The following JARID2 variants were observed in gnomAD, a reference collection of about 807,000 sequenced individuals.
The protein encoded by JARID2 is jumonji and AT-rich interaction domain containing 2.
Under a neutral mutation model 125.6 loss-of-function variants are expected in JARID2, and 21 were observed. That is an observed-to-expected ratio of 0.17 (90% confidence interval 0.12 to 0.24). JARID2 has a LOEUF of 0.24. Among genes scored for constraint, JARID2 ranks in the 10% least tolerant of loss-of-function variants. JARID2 has a pLI of 1.00. For missense variants in JARID2, 1,303 were observed against 1,639.6 expected, an observed-to-expected ratio of 0.79 and a Z score of 3.55; for synonymous variants, 736 against 661.6, an observed-to-expected ratio of 1.11 and a Z score of -1.73.
chr6:15,414,763 TG>T (rs924217931), intron 3 of JARID2, among the ~76,000 whole-genome samples: 23 of 152,092 alleles, frequency 1.5e-4, no homozygotes, highest in Admixed American at 3.3e-4. Context: ...TGGGTGAGAT[TG>T]TTTTTTTTTT....
At chr6:15,434,137 C>A (rs1420856167) in intron 3 of JARID2, among the ~76,000 whole-genome samples, 1 of 107,302 alleles carries the variant, frequency 9.3e-6, no homozygotes, top group African/African-American at 4.0e-5. Flanking sequence ...GTGTTCCTAA[C>A]AGTTTTTTTT....
At chr6:15,506,966 C>T (rs1189994623) in intron 9 of JARID2, among the ~76,000 whole-genome samples, 170 bp from the exon 10 acceptor site, 1 of 152,184 alleles carries the variant, frequency 6.6e-6, no homozygotes, top group South Asian at 2.1e-4. Flanking sequence ...TGGAGGTGAC[C>T]TGTCATTGCT....
At chr6:15,398,291 T>C (rs1173514810) in intron 2 of JARID2, among the ~76,000 whole-genome samples, 1 of 152,234 alleles carries the variant, frequency 6.6e-6, no homozygotes, top group Non-Finnish European at 1.5e-5. Flanking sequence ...TGCTCTGATA[T>C]TTCACTGTTG....
At chr6:15,354,939 G>C (rs915848627) in intron 1 of JARID2, among the ~76,000 whole-genome samples, 2 of 152,142 alleles carry the variant, frequency 1.3e-5, no homozygotes, top group African/African-American at 2.4e-5. Flanking sequence ...TTCAGGTGGG[G>C]AGCAAGCACA....
intron 3 of JARID2, among the ~76,000 whole-genome samples, chr6:15,421,548 T>G (rs1477804202): frequency 6.6e-6 from 1 of 152,210 alleles, no homozygotes; most frequent in Non-Finnish European, 1.5e-5. Context: ...CTATTAGAAG[T>G]CCTTCTTTGA....
intron 17 of JARID2, among the ~76,000 whole-genome samples, chr6:15,519,489 G>C (rs1192269618): frequency 6.6e-6 from 1 of 152,130 alleles, no homozygotes; most frequent in Non-Finnish European, 1.5e-5. Flanking sequence ...GGCCCAGAGA[G>C]ATGCTCATAA....
chr6:15,509,111 G>C lies in JARID2; in HGVS notation c.2846+657G>C, dbSNP rs770008588. On this transcript the variant is annotated intron_variant, in intron 12 of 17. Coordinates refer to ENST00000341776, the MANE Select transcript of JARID2 (RefSeq NM_004973.4). The stretch of plus-strand genomic sequence containing the variant: ...GGCGAGGTGTTCTGGGTCCCCGCCT[G>C]TAATCTGACTCTCACTGTAGCCATC... 31 of 1,289,084 alleles carry C rather than the reference G, an allele frequency of 2.4e-5. No homozygotes were observed. In the South Asian group the frequency reaches 3.5e-4, roughly 14 times the overall value. The allele number at this position is 1,289,084 out of a possible 1,614,324, so 79.9% of individuals were successfully genotyped here.
intron 1 of JARID2, among the ~76,000 whole-genome samples, chr6:15,260,860 CTAAT>C: frequency 6.6e-6 from 1 of 152,328 alleles, no homozygotes; most frequent in Non-Finnish European, 1.5e-5. Flanking sequence ...ACTCCTTGCT[CTAAT>C]TAAGCGATGT....
At chr6:15,302,252 C>T (rs999717225) in intron 1 of JARID2, among the ~76,000 whole-genome samples, 19 of 152,102 alleles carry the variant, frequency 1.2e-4, no homozygotes, top group African/African-American at 3.6e-4. Flanking sequence ...CCCATCTCTA[C>T]TAAAAATACA....
intron 3 of JARID2, among the ~76,000 whole-genome samples, chr6:15,443,222 G>C (rs1767522193): frequency 6.6e-6 from 1 of 152,122 alleles, no homozygotes; most frequent in African/African-American, 2.4e-5. Flanking sequence ...GGCTTGCCTT[G>C]TCCTTGGGCT....
chr6:15,472,304 C>T (rs1769115706), intron 5 of JARID2, among the ~76,000 whole-genome samples: 1 of 152,100 alleles, frequency 6.6e-6, no homozygotes, highest in South Asian at 2.1e-4. Context: ...AATAGAGTCA[C>T]AGCATCAGAT....
At chr6:15,279,289 A>G in intron 1 of JARID2, among the ~76,000 whole-genome samples, 1 of 152,160 alleles carries the variant, frequency 6.6e-6, no homozygotes, top group East Asian at 1.9e-4. Flanking sequence ...ACATTAGTGA[A>G]ATACTGTTTT....
At chr6:15,256,626 GC>G (rs1759676509) in intron 1 of JARID2, among the ~76,000 whole-genome samples, 1 of 152,108 alleles carries the variant, frequency 6.6e-6, no homozygotes, top group Non-Finnish European at 1.5e-5. Context: ...GCTGAGCCCA[GC>G]ATTTTATTCC....
intron 1 of JARID2, among the ~76,000 whole-genome samples, chr6:15,310,265 C>A (rs1176480926): frequency 1.3e-5 from 2 of 152,114 alleles, no homozygotes; most frequent in African/African-American, 4.8e-5. Context: ...CAAAACCCTG[C>A]AGAAGAAAAA....
chr6:15,267,670 C>T (rs1172703694), intron 1 of JARID2, among the ~76,000 whole-genome samples: 7 of 152,230 alleles, frequency 4.6e-5, no homozygotes, highest in Middle Eastern at 3.4e-3. Context: ...GTGTGACGCG[C>T]GAACTCAATG....
chr6:15,274,208 G>A (rs1760406687), intron 1 of JARID2, among the ~76,000 whole-genome samples: 1 of 152,190 alleles, frequency 6.6e-6, no homozygotes, highest in African/African-American at 2.4e-5. Flanking sequence ...GGGATTACAG[G>A]TGTGAGCCAC....
At chr6:15,421,377 C>T (rs771657835) in intron 3 of JARID2, among the ~76,000 whole-genome samples, 3 of 150,010 alleles carry the variant, frequency 2.0e-5, no homozygotes, top group Admixed American at 6.7e-5. Flanking sequence ...GAACTAGCCA[C>T]GGTCATAGCT....
At chr6:15,377,443 A>T (rs1022305907) in intron 2 of JARID2, among the ~76,000 whole-genome samples, 1 of 152,150 alleles carries the variant, frequency 6.6e-6, no homozygotes, top group Non-Finnish European at 1.5e-5. Context: ...TTGGGTGGGG[A>T]CACAGCCAAA....
chr6:15,408,254 A>C (rs760001708), intron 2 of JARID2, among the ~76,000 whole-genome samples: 5 of 152,188 alleles, frequency 3.3e-5, no homozygotes, highest in South Asian at 2.1e-4. Context: ...CCTATCTCAA[A>C]AGCAAAAAGA....
Sources: allele counts gnomAD v4.1 joint callset (sites outside exome capture counted in the v4.1 genomes callset), GRCh38; gene constraint gnomAD v4.1.1; transcripts MANE v1.5; gene names NCBI Gene and HGNC (gene_info 2026-07-23, HGNC 2026-07-21).